C1GALT1: variants seen among roughly 807,000 people sequenced by gnomAD.
The protein encoded by C1GALT1 is core 1 synthase, glycoprotein-N-acetylgalactosamine 3-beta-galactosyltransferase 1, also known as glycoprotein-N-acetylgalactosamine 3-beta-galactosyltransferase 1.
In C1GALT1, 11 loss-of-function variants were observed where a neutral mutation model predicts 31.0. The observed-to-expected ratio is 0.36, with a 90% confidence interval of 0.22 to 0.59. The LOEUF (loss-of-function observed/expected upper bound fraction) is 0.59, where lower values mean the gene tolerates loss of function less well. Among genes scored for constraint, C1GALT1 ranks in the 20% least tolerant of loss-of-function variants. The pLI is 0.79. For synonymous variants in C1GALT1, 175 were observed against 143.6 expected, an observed-to-expected ratio of 1.22 and a Z score of -1.56; for missense variants, 424 against 425.2, an observed-to-expected ratio of 1.00 and a Z score of 0.03.
At chr7:7,219,829 G>A (rs1019011062) in intron 1 of C1GALT1, among the ~76,000 whole-genome samples, 10 of 152,100 alleles carry the variant, frequency 6.6e-5, no homozygotes, top group African/African-American at 2.4e-4. Flanking sequence ...ATTTTGTGTG[G>A]AATTGTATAT....
intron 1 of C1GALT1, among the ~76,000 whole-genome samples, chr7:7,215,682 A>AT (rs1401683385): frequency 6.6e-6 from 1 of 151,184 alleles, no homozygotes; most frequent in Non-Finnish European, 1.5e-5. Flanking sequence ...TGCCTTCCCT[A>AT]TTTTTTCTTT....
At chr7:7,201,278 C>A (rs573676743) in intron 1 of C1GALT1, among the ~76,000 whole-genome samples, 3 of 152,170 alleles carry the variant, frequency 2.0e-5, no homozygotes, top group African/African-American at 4.8e-5. Flanking sequence ...CACTCCAGAC[C>A]GTGTTAGCCT....
chr7:7,214,421 A>T (rs927870787), intron 1 of C1GALT1, among the ~76,000 whole-genome samples: 1 of 152,164 alleles, frequency 6.6e-6, no homozygotes, highest in African/African-American at 2.4e-5. Flanking sequence ...GAAAAACAAG[A>T]TCCAAGAAGA....
intron 1 of C1GALT1, among the ~76,000 whole-genome samples, chr7:7,207,510 T>C (rs1781802516): frequency 6.6e-6 from 1 of 151,924 alleles, no homozygotes; most frequent in African/African-American, 2.4e-5. Context: ...ATTTCCATTT[T>C]GTTCATACAT....
intron 1 of C1GALT1, among the ~76,000 whole-genome samples, chr7:7,209,874 AT>A (rs1781913848): frequency 6.6e-6 from 1 of 152,120 alleles, no homozygotes; most frequent in Non-Finnish European, 1.5e-5. Context: ...AAAACGGCCT[AT>A]TTATAAAAAT....
intron 2 of C1GALT1, among the ~76,000 whole-genome samples, chr7:7,163,379 G>A (rs1780359062): frequency 6.6e-6 from 1 of 152,088 alleles, no homozygotes; most frequent in Admixed American, 6.6e-5. Context: ...GGCAAAAACT[G>A]GAAGCATTCC....
At chr7:7,222,683 A>G (rs1418260930) in intron 1 of C1GALT1, among the ~76,000 whole-genome samples, 1 of 152,230 alleles carries the variant, frequency 6.6e-6, no homozygotes, top group Non-Finnish European at 1.5e-5. Context: ...GGGTTAGATG[A>G]TTCCAAATAA....
rs964281462 is a variant in C1GALT1, at chr7:7,246,322, G to A, written c.*2595G>A. ...TTCATTGGAACCGTATCAGGCTTGG[G>A]GCTATTCATGTAGCATTATTTCCAT... On this transcript the variant is annotated 3_prime_UTR_variant, in exon 4 of 4. Transcript: ENST00000436587. 1 of 151,944 alleles carries A rather than the reference G, an allele frequency of 6.6e-6. No individual in the cohort carries two copies. Among genetic ancestry groups the A allele is most frequent in the African/African-American group, 2.4e-5 (1 of 41,344 alleles). The allele number at this position is 151,944 out of a possible 1,614,324, so 9.4% of individuals were successfully genotyped here. A position where few individuals can be genotyped will look rare whatever the true frequency, so the allele number is the denominator to read the frequency against.
intron 1 of C1GALT1, among the ~76,000 whole-genome samples, chr7:7,207,589 C>G (rs1781806555): frequency 6.6e-6 from 1 of 151,626 alleles, no homozygotes; most frequent in Non-Finnish European, 1.5e-5. Context: ...GTTTTATAGT[C>G]TTTGTTTAAC....
intron 1 of C1GALT1, among the ~76,000 whole-genome samples, chr7:7,184,524 T>C (rs1317054055): frequency 6.6e-6 from 1 of 152,256 alleles, no homozygotes; most frequent in Non-Finnish European, 1.5e-5. Flanking sequence ...AATGAGTTCT[T>C]GTTTACCTAA....
At chr7:7,165,790 A>G (rs1382594081) in intron 2 of C1GALT1, among the ~76,000 whole-genome samples, 2 of 152,196 alleles carry the variant, frequency 1.3e-5, no homozygotes, top group Non-Finnish European at 2.9e-5. Flanking sequence ...GAGCATCAAC[A>G]TGATGCTACG....
chr7:7,225,356 G>A (rs1240731450), intron 1 of C1GALT1, among the ~76,000 whole-genome samples: 2 of 152,142 alleles, frequency 1.3e-5, no homozygotes, highest in Non-Finnish European at 2.9e-5. Flanking sequence ...AGCAGGGAAA[G>A]GTACTTGCTT....
At chr7:7,221,310 A>T (rs144772861) in intron 1 of C1GALT1, among the ~76,000 whole-genome samples, 6 of 151,764 alleles carry the variant, frequency 4.0e-5, no homozygotes. Context: ...TTACATTTTA[A>T]TTTTTAGGAG....
Position 7,231,915 on chromosome 7 carries a change from C to A in C1GALT1, c.-17-2388C>A, listed in dbSNP as rs139372926. Among the ~76,000 whole-genome samples the A allele has an allele frequency of 4.3e-3, 656 of 152,294 alleles. 4 individuals are homozygous for A. The highest frequency in any genetic ancestry group is 0.015 in the African/African-American group (612 of 41,554). On this transcript the variant is annotated intron_variant, in intron 1 of 3. Transcript: ENST00000436587. ...GTGGCTGAGATGACTCTAACGTAGA[C>A]TTCAGCCGTTGTAAAGATTGGTCTA...
At chr7:7,243,145 C>G (rs1783704757) in intron 3 of C1GALT1, among the ~76,000 whole-genome samples, 3 of 152,014 alleles carry the variant, frequency 2.0e-5, no homozygotes, top group Non-Finnish European at 4.4e-5. Context: ...ATGAGCCACA[C>G]AAAAAATTAC....
chr7:7,234,027 A>G (rs1783215092), intron 1 of C1GALT1, among the ~76,000 whole-genome samples: 1 of 152,092 alleles, frequency 6.6e-6, no homozygotes, highest in Non-Finnish European at 1.5e-5. Context: ...TGGATCCACA[A>G]AGGATCCTGG....
At chr7:7,201,472 G>GTCTGTCTGTTCTC (rs1312074428) in intron 1 of C1GALT1, among the ~76,000 whole-genome samples, 1 of 152,174 alleles carries the variant, frequency 6.6e-6, no homozygotes, top group Admixed American at 6.5e-5. Flanking sequence ...TGAGGAGGCA[G>GTCTGTCTGTTCTC]TCTGTCTGTT....
intron 3 of C1GALT1, among the ~76,000 whole-genome samples, chr7:7,240,975 T>C (rs545763106): frequency 1.3e-5 from 2 of 152,172 alleles, no homozygotes; most frequent in Admixed American, 6.5e-5. Flanking sequence ...CATTCCTAAA[T>C]TTCTTGTTCA....
intron 1 of C1GALT1, among the ~76,000 whole-genome samples, chr7:7,195,925 C>G (rs576494008): frequency 1.3e-5 from 2 of 152,168 alleles, no homozygotes; most frequent in East Asian, 1.9e-4. Context: ...GATATAATGT[C>G]TCTCTTTGTC....
Sources: gnomAD v4.1 joint callset for allele counts (sites outside exome capture counted in the v4.1 genomes callset) on GRCh38, gnomAD v4.1.1 for gene constraint, MANE v1.5 for transcripts, NCBI Gene and HGNC (gene_info 2026-07-23, HGNC 2026-07-21) for gene names.